Variants in CPLX1 observed in about 807,000 individuals in gnomAD.
The protein encoded by CPLX1 is complexin-1.
A neutral mutation model predicts 15.6 loss-of-function variants in CPLX1; 6 were observed. The observed-to-expected ratio is 0.39, with a 90% CI of 0.21 to 0.76. CPLX1 has a LOEUF of 0.76. Among genes scored for constraint, CPLX1 ranks in the 30% least tolerant of loss-of-function variants. The pLI, the probability that CPLX1 is intolerant of heterozygous loss-of-function variation, is 0.43. For missense variants in CPLX1, 242 were observed against 188.6 expected (o/e 1.28, Z -1.66); for synonymous variants, 91 against 75.2 (o/e 1.21, Z -1.08).
At chr4:789,545 T>G (rs3775143) in intron 3 of CPLX1, among the ~76,000 whole-genome samples, 1 of 152,112 alleles carries the variant, frequency 6.6e-6, no homozygotes, top group Non-Finnish European at 1.5e-5. Context: ...GGGAGCCTAG[T>G]GGGCCCTCAG....
chr4:792,300 A>T, intron 3 of CPLX1, 133 bp downstream of exon 3: 3 of 626,820 alleles, frequency 4.8e-6, no homozygotes, highest in Non-Finnish European at 5.0e-6. Flanking sequence ...CGCCACTCTG[A>T]AGCCCCCAAA....
At chr4:802,926 G>C (rs1457058046) in intron 2 of CPLX1, among the ~76,000 whole-genome samples, 1 of 148,138 alleles carries the variant, frequency 6.8e-6, no homozygotes, top group Non-Finnish European at 1.5e-5. Flanking sequence ...ACTCCAGCCT[G>C]AGCATTAGAG....
chr4:800,872 C>G (rs1371534990), intron 2 of CPLX1, among the ~76,000 whole-genome samples: 7 of 148,070 alleles, frequency 4.7e-5, no homozygotes, highest in Admixed American at 1.4e-4. Flanking sequence ...TATATATTAG[C>G]CAGACATGGT....
chr4:787,031 C>T lies in CPLX1; in HGVS notation c.208-333G>A, dbSNP rs537483279. ...CCTGGCATCCTGCCTTCCAGGAAGC[C>T]TCCGGCCCGGGGCAGGGAGGGGTGG... On this transcript the variant is annotated intron_variant, in intron 3 of 3. Transcript: ENST00000304062. The T allele has an allele frequency of 4.1e-6, 4 of 985,380 alleles. No individual in the cohort carries two copies. In the East Asian group the frequency reaches 4.6e-4, roughly 112 times the overall value. 61.0% of individuals were successfully genotyped at this position (985,380 alleles called of 1,614,324 possible). A position where few individuals can be genotyped will look rare whatever the true frequency, so the allele number is the denominator to read the frequency against.
At chr4:821,319 A>G (rs7377207) in intron 2 of CPLX1, among the ~76,000 whole-genome samples, 1 of 151,930 alleles carries the variant, frequency 6.6e-6, no homozygotes, top group Non-Finnish European at 1.5e-5. Context: ...TCGCTGGGGC[A>G]GTCAGAGGCT....
intron 2 of CPLX1, among the ~76,000 whole-genome samples, chr4:822,835 C>G (rs1394596193): frequency 6.6e-6 from 1 of 150,524 alleles, no homozygotes; most frequent in Non-Finnish European, 1.5e-5. Flanking sequence ...GGAAGCCCCC[C>G]ACCAGCTCCC....
chr4:807,762 G>A (rs1746584424), intron 2 of CPLX1, among the ~76,000 whole-genome samples: 1 of 152,246 alleles, frequency 6.6e-6, no homozygotes, highest in South Asian at 2.1e-4. Context: ...GAAATTACAG[G>A]CGTGAGCCAC....
chr4:799,226 CAG>C (rs1279557712), intron 2 of CPLX1, among the ~76,000 whole-genome samples: 6 of 152,242 alleles, frequency 3.9e-5, no homozygotes, highest in Non-Finnish European at 1.5e-5. Context: ...AGGAACGCTA[CAG>C]AGAGAGGCCA....
At position 792,511 on chromosome 4, in the gene CPLX1, C is replaced by T; in HGVS notation, c.129G>A (p.Gln43=). 1 of 1,613,200 alleles carries T rather than the reference C, an allele frequency of 6.2e-7. No homozygotes were observed. The highest frequency in any genetic ancestry group is 8.5e-7 in the Non-Finnish European group (1 of 1,179,776). Residue 43 remains glutamine, a synonymous_variant, in exon 3 of 4, where the codon CAG becomes CAA. Coordinates refer to ENST00000304062, the MANE Select transcript of CPLX1 (RefSeq NM_006651.4). The part of the protein sequence containing the change: ...KEEERQEALR[Q]AEEERKAKYA... ...ACTTGGCCTTGCGCTCCTCCTCCGC[C>T]TGGCGCAGCGCCTCCTGCCGCTCCT...
chr4:795,487 G>A (rs1004790222), intron 2 of CPLX1, among the ~76,000 whole-genome samples: 2 of 152,244 alleles, frequency 1.3e-5, no homozygotes, highest in Non-Finnish European at 2.9e-5. Context: ...CGTGGTGCCT[G>A]AGGCTGGGAC....
chr4:804,065 C>T (rs974063106), intron 2 of CPLX1, among the ~76,000 whole-genome samples: 1 of 152,352 alleles, frequency 6.6e-6, no homozygotes, highest in South Asian at 2.1e-4. Context: ...AGGTTTGCAG[C>T]CGGGGAACAA....
intron 1 of CPLX1, among the ~76,000 whole-genome samples, chr4:825,507 G>T (rs1230853270): frequency 6.6e-6 from 1 of 151,894 alleles, no homozygotes; most frequent in Non-Finnish European, 1.5e-5. Context: ...GCACGGCCGG[G>T]CCCCGCAGAC....
At chr4:794,818 T>A (rs1362419859) in intron 2 of CPLX1, among the ~76,000 whole-genome samples, 1 of 152,178 alleles carries the variant, frequency 6.6e-6, no homozygotes, top group Non-Finnish European at 1.5e-5. Context: ...GCTGCAGGGC[T>A]TCTGCAGCTC....
intron 1 of CPLX1, chr4:824,849 T>G: frequency 1.9e-6 from 1 of 536,798 alleles, no homozygotes. Flanking sequence ...GCTGATGGCT[T>G]AGGGGGCATC....
chr4:807,708 T>A (rs190529523), intron 2 of CPLX1, among the ~76,000 whole-genome samples: 1 of 152,220 alleles, frequency 6.6e-6, no homozygotes, highest in East Asian at 1.9e-4. Context: ...GGTCTCAAAC[T>A]CCTGACCTCA....
At chr4:808,123 G>C (rs527851606) in intron 2 of CPLX1, among the ~76,000 whole-genome samples, 2 of 152,044 alleles carry the variant, frequency 1.3e-5, no homozygotes, top group Non-Finnish European at 2.9e-5. Flanking sequence ...TGAAAAATTC[G>C]CCAGGCATAG....
intron 2 of CPLX1, among the ~76,000 whole-genome samples, chr4:802,952 A>G (rs1432797586): frequency 2.1e-5 from 2 of 93,724 alleles, no homozygotes; most frequent in African/African-American, 1.6e-4. Flanking sequence ...CTCTGTCTCA[A>G]AAAAAAAAAA....
Position 786,207 on chromosome 4 carries a change from G to T in CPLX1, c.*294C>A. The T allele has an allele frequency of 4.0e-6, 1 of 247,900 alleles. No homozygotes were observed. Among genetic ancestry groups the T allele is most frequent in the East Asian group, 7.8e-5 (1 of 12,894 alleles). The allele number at this position is 247,900 out of a possible 1,614,324, so 15.4% of individuals were successfully genotyped here. A position where few individuals can be genotyped will look rare whatever the true frequency, so the allele number is the denominator to read the frequency against. ...AGGGGTGGTCGCGGGGCTGCCCTTC[G>T]GCGGCCCTGGCCTCGGGCGCTGCTG... is the stretch of plus-strand genomic sequence containing the variant. On this transcript the variant is annotated 3_prime_UTR_variant, in exon 4 of 4. Transcript: ENST00000304062.
At chr4:792,336 GC>G in intron 3 of CPLX1, 96 bp downstream of exon 3, 1 of 967,424 alleles carries the variant, frequency 1.0e-6, no homozygotes, top group Non-Finnish European at 1.3e-6. Context: ...GGGGACGCCC[GC>G]CCCTCTTCCG....
Sources: allele counts gnomAD v4.1 joint callset (sites outside exome capture counted in the v4.1 genomes callset), GRCh38; gene constraint gnomAD v4.1.1; transcripts MANE v1.5; gene names NCBI Gene and HGNC (gene_info 2026-07-23, HGNC 2026-07-21).